STIM1: variants seen among roughly 807,000 people sequenced by gnomAD.
The protein encoded by STIM1 is stromal interaction molecule 1.
STIM1 carries 25 observed loss-of-function variants against 74.7 expected under a neutral mutation model. The ratio of observed to expected loss-of-function variants is 0.33; its 90% CI spans 0.24 to 0.47. The LOEUF (loss-of-function observed/expected upper bound fraction) is 0.47, where lower values mean the gene tolerates loss of function less well. STIM1 is among the 20% of genes least tolerant of loss of function. STIM1 has a pLI of 1.00. For missense variants in STIM1, 728 were observed against 920.8 expected (o/e 0.79, Z 2.71); for synonymous variants, 328 against 348.8 (o/e 0.94, Z 0.66).
chr11:4,024,227 T>C (rs1316453889), intron 3 of STIM1, among the ~76,000 whole-genome samples: 2 of 152,186 alleles, frequency 1.3e-5, no homozygotes, highest in South Asian at 2.1e-4. Context: ...ATCCTATTCC[T>C]ACCCCTTTCG....
At chr11:3,936,902 G>A (rs999924697) in intron 1 of STIM1, among the ~76,000 whole-genome samples, 1 of 152,268 alleles carries the variant, frequency 6.6e-6, no homozygotes, top group African/African-American at 2.4e-5. Flanking sequence ...AACCCAATGG[G>A]TGGGATGGTG....
intron 1 of STIM1, among the ~76,000 whole-genome samples, chr11:3,879,925 G>A (rs560439833): frequency 1.3e-5 from 2 of 152,242 alleles, no homozygotes; most frequent in East Asian, 3.9e-4. Flanking sequence ...TGCTATTGCC[G>A]AGAGAATTCT....
chr11:4,000,169 C>T (rs1350975829), intron 2 of STIM1, among the ~76,000 whole-genome samples: 1 of 149,300 alleles, frequency 6.7e-6, no homozygotes. Flanking sequence ...CACAGACAAA[C>T]AAAAAGACAG....
intron 1 of STIM1, among the ~76,000 whole-genome samples, chr11:3,864,949 G>A (rs112311528): frequency 0.075 from 11,477 of 152,038 alleles, 597 homozygotes; most frequent in Middle Eastern, 0.17. Flanking sequence ...CTTCTCCCCG[G>A]ACTCCTGGGC....
At chr11:4,048,479 TC>T (rs2094211503) in intron 3 of STIM1, among the ~76,000 whole-genome samples, 1 of 152,154 alleles carries the variant, frequency 6.6e-6, no homozygotes, top group African/African-American at 2.4e-5. Context: ...GCTTCCAGGC[TC>T]TTTTTAAGTT....
intron 2 of STIM1, among the ~76,000 whole-genome samples, chr11:4,003,519 C>T (rs1367421602): frequency 7.9e-5 from 12 of 150,982 alleles, no homozygotes; most frequent in African/African-American, 2.9e-4. Context: ...GCAGAAAAGG[C>T]CTTTGACAAA....
At chr11:3,859,898 C>T (rs1001273947) in intron 1 of STIM1, among the ~76,000 whole-genome samples, 1 of 152,220 alleles carries the variant, frequency 6.6e-6, no homozygotes, top group Admixed American at 6.5e-5. Flanking sequence ...TTGACAATCA[C>T]CCTTAGCTAG....
chr11:3,965,570 G>A (rs73427554), intron 1 of STIM1, among the ~76,000 whole-genome samples: 2,167 of 152,190 alleles, frequency 0.014, 52 homozygotes, highest in African/African-American at 0.05. Flanking sequence ...TTAATCTTTG[G>A]GTGTATTCTG....
intron 1 of STIM1, among the ~76,000 whole-genome samples, chr11:3,920,191 C>T (rs924157144): frequency 6.6e-6 from 1 of 151,796 alleles, no homozygotes; most frequent in Non-Finnish European, 1.5e-5. Flanking sequence ...AAAGTCCTGC[C>T]TTCAAGCAGT....
chr11:4,006,015 A>T (rs2093776592), intron 2 of STIM1, among the ~76,000 whole-genome samples: 1 of 152,194 alleles, frequency 6.6e-6, no homozygotes, highest in African/African-American at 2.4e-5. Flanking sequence ...CATGTGACTT[A>T]TGGGTTTGAT....
At chr11:3,931,973 GAAAATGCTATGT>G (rs1043788804) in intron 1 of STIM1, among the ~76,000 whole-genome samples, 1 of 152,186 alleles carries the variant, frequency 6.6e-6, no homozygotes, top group Non-Finnish European at 1.5e-5. Flanking sequence ...GGTGTTAAGT[GAAAATGCTATGT>G]AAATTGCACG....
At chr11:3,938,572 G>T (rs2092964987) in intron 1 of STIM1, among the ~76,000 whole-genome samples, 1 of 152,102 alleles carries the variant, frequency 6.6e-6, no homozygotes, top group African/African-American at 2.4e-5. Context: ...TTAAGGCTGG[G>T]CACATGGTTC....
intron 2 of STIM1, among the ~76,000 whole-genome samples, chr11:3,972,020 G>A (rs572638106): frequency 2.0e-5 from 3 of 151,816 alleles, no homozygotes; most frequent in African/African-American, 4.8e-5. Flanking sequence ...CTTTTAGAAT[G>A]AGGCAGACAA....
chr11:3,975,062 A>T (rs61897200), intron 2 of STIM1, among the ~76,000 whole-genome samples: 1 of 152,210 alleles, frequency 6.6e-6, no homozygotes, highest in Non-Finnish European at 1.5e-5. Context: ...TCCACAGTGT[A>T]CAAAACAGAT....
intron 2 of STIM1, among the ~76,000 whole-genome samples, chr11:4,020,784 G>T (rs1294408776): frequency 1.1e-4 from 17 of 150,238 alleles, no homozygotes; most frequent in African/African-American, 4.2e-4. Context: ...TTAATTTTTT[G>T]CACAGGCGGA....
At chr11:4,062,307 G>A (rs1035555139) in intron 5 of STIM1, among the ~76,000 whole-genome samples, 2 of 152,152 alleles carry the variant, frequency 1.3e-5, no homozygotes, top group African/African-American at 2.4e-5. Flanking sequence ...TTCTGACAAG[G>A]CTCTACTATC....
intron 1 of STIM1, among the ~76,000 whole-genome samples, chr11:3,914,691 C>G (rs934202298): frequency 6.6e-6 from 1 of 152,178 alleles, no homozygotes; most frequent in East Asian, 1.9e-4. Flanking sequence ...CCGCCCGCCT[C>G]GGCCTCCCAA....
chr11:4,032,089 C>T (rs1439944598), intron 3 of STIM1, among the ~76,000 whole-genome samples: 3 of 152,198 alleles, frequency 2.0e-5, no homozygotes, highest in Non-Finnish European at 4.4e-5. Flanking sequence ...ATTGTGCTTA[C>T]ACGTGGTCCC....
intron 1 of STIM1, among the ~76,000 whole-genome samples, chr11:3,911,836 C>A (rs2092566798): frequency 6.6e-6 from 1 of 152,184 alleles, no homozygotes; most frequent in Admixed American, 6.5e-5. Flanking sequence ...TATCTTGCTG[C>A]ATTGTGGTTG....
Sources: gnomAD v4.1 joint callset for allele counts (sites outside exome capture counted in the v4.1 genomes callset) on GRCh38, gnomAD v4.1.1 for gene constraint, MANE v1.5 for transcripts, NCBI Gene and HGNC (gene_info 2026-07-23, HGNC 2026-07-21) for gene names.